The following MYH11 variants were observed in gnomAD, a reference collection of about 807,000 sequenced individuals.
MYH11 encodes the protein myosin heavy chain 11.
Under a neutral mutation model 246.6 loss-of-function variants are expected in MYH11, and 80 were observed. The observed-to-expected ratio is 0.32, with a 90% CI of 0.27 to 0.39. The LOEUF is 0.39. MYH11 is among the 10% of genes least tolerant of loss of function. The pLI is 1.00. For missense variants in MYH11, 2,158 were observed against 2,546.8 expected (o/e 0.85, Z 3.29); for synonymous variants, 1,071 against 1,015.5 (o/e 1.05, Z -1.04).
rs372114305 is a variant in MYH11 at position 15,772,371 on chromosome 16, C to T, written c.890-659G>A. On this transcript the variant is annotated intron_variant, in intron 8 of 40. Coordinates refer to ENST00000300036, the MANE Select transcript of MYH11 (RefSeq NM_002474.3). ...CCTCTCAAAGTTCTGGGATTACAGA[C>T]GTGAGCCACCGCACCTGGCCTTATT... Among the ~76,000 whole-genome samples the T allele has an allele frequency of 5.3e-5, 8 of 152,032 alleles. No individual in the cohort carries two copies. The East Asian group carries it at 9.7e-4, about 18-fold the overall frequency.
In MYH11 at chr16:15,814,527, T is replaced by A. The variant is rs139079453; in HGVS notation, c.502+8728A>T. ...AAGATCATGCCATTGCACTCCAGCC[T>A]GGACAACGAGAGTGAAACTCCATCT... On this transcript the variant is annotated intron_variant, in intron 3 of 40. Coordinates refer to ENST00000300036, the MANE Select transcript of MYH11 (RefSeq NM_002474.3). 8.3e-3 allele frequency among the ~76,000 whole-genome samples: 927 copies of A among 112,294 alleles called. 11 individuals carry two copies. The highest frequency in any genetic ancestry group is 0.027 in the African/African-American group (775 of 28,494). The allele number at this position is 112,294 out of a possible 152,430, so 73.7% of individuals were successfully genotyped here. A position where few individuals can be genotyped will look rare whatever the true frequency, so the allele number is the denominator to read the frequency against.
chr16:15,817,853 C>T (rs1393293607), intron 3 of MYH11, among the ~76,000 whole-genome samples: 1 of 152,202 alleles, frequency 6.6e-6, no homozygotes, highest in East Asian at 1.9e-4. Flanking sequence ...GCCCCCTTCT[C>T]TCACCTTAGC....
chr16:15,718,954 C>A (rs1054093965), intron 36 of MYH11: 11 of 476,254 alleles, frequency 2.3e-5, no homozygotes, highest in African/African-American at 3.9e-5. Flanking sequence ...ATGGTGAAAC[C>A]CCACCTCTAC....
intron 40 of MYH11, chr16:15,711,171 C>G (rs1032445138): frequency 2.0e-5 from 3 of 152,272 alleles, no homozygotes; most frequent in African/African-American, 7.2e-5. Context: ...CTGCTCTCTT[C>G]CCCTTCTCAG....
intron 6 of MYH11, among the ~76,000 whole-genome samples, chr16:15,780,474 C>CTTTTTTTTTTTTTTTTTT (rs71134460): frequency 1.4e-5 from 1 of 69,002 alleles, no homozygotes; most frequent in African/African-American, 6.1e-5. Context: ...GATTTTTACG[C>CTTTTTTTTTTTTTTTTTT]TTTTTTTTTT....
At chr16:15,767,987 A>T (rs1239067506) in intron 9 of MYH11, among the ~76,000 whole-genome samples, 1 of 151,876 alleles carries the variant, frequency 6.6e-6, no homozygotes, top group Admixed American at 6.6e-5. Flanking sequence ...TATGTTGCTC[A>T]GGCTGGTCTT....
intron 2 of MYH11, among the ~76,000 whole-genome samples, chr16:15,829,521 G>A (rs1250724699): frequency 3.3e-5 from 5 of 152,098 alleles, no homozygotes; most frequent in African/African-American, 7.2e-5. Flanking sequence ...CCTTCACCTC[G>A]ACCCAGCCCA....
At chr16:15,835,452 A>G (rs2043866247) in intron 2 of MYH11, among the ~76,000 whole-genome samples, 1 of 152,234 alleles carries the variant, frequency 6.6e-6, no homozygotes, top group Admixed American at 6.5e-5. Context: ...AGTGTTCCAT[A>G]GTGAACGTGT....
At chr16:15,729,883 T>A (rs1567707833) in intron 27 of MYH11, among the ~76,000 whole-genome samples, 1 of 152,040 alleles carries the variant, frequency 6.6e-6, no homozygotes, top group Non-Finnish European at 1.5e-5. Flanking sequence ...AGATGGGGTT[T>A]CACTATGTTG....
In MYH11 at chr16:15,840,630, G is replaced by A. The variant is rs765770009; in HGVS notation, c.-17-2361C>T. 3.3e-4 allele frequency among the ~76,000 whole-genome samples: 50 copies of A among 152,222 alleles called. 1 individual carries two copies. The highest frequency in any genetic ancestry group is 2.5e-3 in the Admixed American group (38 of 15,266). On this transcript the variant is annotated intron_variant, in intron 1 of 40. Transcript: ENST00000300036. ...GCCTACGGTTCCAGCTACTCAGGAG[G>A]CTAAGACGGGAAGATGGCTAGAGCC...
chr16:15,814,015 G>T (rs981319604), intron 3 of MYH11, among the ~76,000 whole-genome samples: 4 of 151,906 alleles, frequency 2.6e-5, no homozygotes, highest in Non-Finnish European at 5.9e-5. Context: ...ATGGTGGCAT[G>T]CACCTGTAAT....
At chr16:15,783,743 G>A (rs945303362) in intron 5 of MYH11, among the ~76,000 whole-genome samples, 10 of 152,160 alleles carry the variant, frequency 6.6e-5, no homozygotes, top group African/African-American at 2.4e-4. Flanking sequence ...GGCAGGTAAG[G>A]TTGAAAAGTC....
intron 9 of MYH11, 48 bp from the exon 10 acceptor site, chr16:15,763,939 G>A: frequency 6.6e-7 from 1 of 1,507,968 alleles, no homozygotes; most frequent in Non-Finnish European, 9.2e-7. Context: ...TCAATGCCAA[G>A]GTACCCTGGA....
intron 16 of MYH11, among the ~76,000 whole-genome samples, chr16:15,748,406 G>A (rs933707390): frequency 3.9e-5 from 6 of 152,134 alleles, no homozygotes; most frequent in African/African-American, 7.2e-5. Flanking sequence ...CACTAGCATC[G>A]CCTGGCTGGA....
chr16:15,786,394 T>TTC (rs2042469635), intron 5 of MYH11: 2 of 718,662 alleles, frequency 2.8e-6, no homozygotes, highest in Non-Finnish European at 5.1e-6. Context: ...AAAGGGCTTA[T>TTC]TCTCATTTCA....
chr16:15,840,273 T>C (rs1428736735), intron 1 of MYH11, among the ~76,000 whole-genome samples: 1 of 152,102 alleles, frequency 6.6e-6, no homozygotes, highest in African/African-American at 2.4e-5. Flanking sequence ...TATTACATCG[T>C]TTCCAAGAGC....
At position 15,726,996 on chromosome 16, in the gene MYH11, G is replaced by C; in HGVS notation, c.3710C>G (p.Ala1237Gly). The change falls in exon 28 of 41, where the codon GCC becomes GGC. Residue 1237 changes from alanine (A) to glycine (G), a missense_variant. Physicochemically the swap from Ala to Gly is moderately conservative, Grantham distance 60 (BLOSUM62 0). Transcript: ENST00000300036. The stretch of plus-strand genomic sequence containing the variant: ...CTGGCCCAGGACCCGCAGCTCCCCG[G>C]CCAGGTCTGCGTTCTCTTTCTCCAG... ...QTLEKENADL[A>G]GELRVLGQAK... The C allele has an allele frequency of 1.2e-6, 2 of 1,611,836 alleles. No individual in the cohort carries two copies.
chr16:15,716,590 C>T (rs1324238541), intron 38 of MYH11, among the ~76,000 whole-genome samples: 5 of 152,192 alleles, frequency 3.3e-5, no homozygotes, highest in Middle Eastern at 3.4e-3. Flanking sequence ...GGCACAATCT[C>T]GGCTCACTGC....
At chr16:15,834,667 C>T (rs9926573) in intron 2 of MYH11, among the ~76,000 whole-genome samples, 3,930 of 152,260 alleles carry the variant, frequency 0.026, 166 homozygotes, top group African/African-American at 0.089. Flanking sequence ...TTTTGCAACA[C>T]TGCACCTCAG....
Sources: allele counts gnomAD v4.1 joint callset (sites outside exome capture counted in the v4.1 genomes callset), GRCh38; gene constraint gnomAD v4.1.1; transcripts MANE v1.5; gene names NCBI Gene and HGNC (gene_info 2026-07-23, HGNC 2026-07-21).